HMGCLL1: variants seen among roughly 807,000 people sequenced by gnomAD.
HMGCLL1 encodes 3-hydroxy-3-methylglutaryl-CoA lyase like 1, also known as 3-hydroxymethyl-3-methylglutaryl-CoA lyase, cytoplasmic.
HMGCLL1 carries 36 observed loss-of-function variants against 39.1 expected under a neutral mutation model. The ratio of observed to expected loss-of-function variants is 0.92; its 90% CI spans 0.71 to 1.22. The LOEUF is 1.22. Among genes scored for constraint, HMGCLL1 ranks in the 50% most tolerant of loss-of-function variants. The probability of loss-of-function intolerance (pLI) is 0.00; values close to 1 mark genes in which losing one functional copy is unlikely to be tolerated. For synonymous variants in HMGCLL1, 149 were observed against 144.0 expected, an observed-to-expected ratio of 1.03 and a Z score of -0.25; for missense variants, 451 against 416.5, an observed-to-expected ratio of 1.08 and a Z score of -0.72.
At chr6:55,436,197 G>A (rs1763366720) in intron 8 of HMGCLL1, among the ~76,000 whole-genome samples, 1 of 151,800 alleles carries the variant, frequency 6.6e-6, no homozygotes. Flanking sequence ...ACTTGAAAAA[G>A]CCATAAGGAT....
At chr6:55,627,831 G>C in the HMGCLL1 span, among the ~76,000 whole-genome samples, 2 of 121,770 alleles carry the variant, frequency 1.6e-5, no homozygotes, top group Non-Finnish European at 3.3e-5. Context: ...ATTGCAGACA[G>C]CTTATTGTGG....
At chr6:55,607,666 G>C in the HMGCLL1 span, among the ~76,000 whole-genome samples, 4 of 152,156 alleles carry the variant, frequency 2.6e-5, no homozygotes, top group Non-Finnish European at 5.9e-5. Flanking sequence ...ACTGGGGTCA[G>C]CTGCAACTGT....
intron 3 of HMGCLL1, among the ~76,000 whole-genome samples, chr6:55,517,493 T>C (rs6925488): frequency 0.68 from 103,677 of 151,710 alleles, 35,466 homozygotes; most frequent in Admixed American, 0.72. Context: ...GCTGTGAAAA[T>C]ATGCCAAACC....
At chr6:55,502,718 T>G (rs1334835399) in intron 5 of HMGCLL1, among the ~76,000 whole-genome samples, 4 of 150,184 alleles carry the variant, frequency 2.7e-5, no homozygotes, top group Non-Finnish European at 6.0e-5. Flanking sequence ...ATCTGGTTTT[T>G]TTTTTTTTGC....
chr6:55,631,584 C>T, the HMGCLL1 span, among the ~76,000 whole-genome samples: 32 of 152,170 alleles, frequency 2.1e-4, no homozygotes, highest in African/African-American at 7.5e-4. Flanking sequence ...TTGCATTTTT[C>T]ATTAAGCCTC....
the HMGCLL1 span, among the ~76,000 whole-genome samples, chr6:55,590,028 T>G: frequency 6.6e-6 from 1 of 152,142 alleles, no homozygotes; most frequent in African/African-American, 2.4e-5. Flanking sequence ...CCAATGACTT[T>G]CTTCACAGAA....
chr6:55,611,790 T>C, the HMGCLL1 span, among the ~76,000 whole-genome samples: 1 of 152,166 alleles, frequency 6.6e-6, no homozygotes, highest in Non-Finnish European at 1.5e-5. Context: ...AAACTAGGTA[T>C]GATTGAACAT....
the HMGCLL1 span, among the ~76,000 whole-genome samples, chr6:55,629,719 C>A: frequency 6.6e-6 from 1 of 152,078 alleles, no homozygotes; most frequent in Non-Finnish European, 1.5e-5. Context: ...GCCCTGCATC[C>A]CAGCCACTCT....
At chr6:55,448,371 C>T (rs9396095) in intron 7 of HMGCLL1, among the ~76,000 whole-genome samples, 66,621 of 148,932 alleles carry the variant, frequency 0.45, 14,986 homozygotes, top group African/African-American at 0.49. Flanking sequence ...TACAAAAATA[C>T]ATAATATGAA....
intron 1 of HMGCLL1, chr6:55,577,076 A>T: frequency 2.5e-6 from 4 of 1,613,700 alleles, no homozygotes; most frequent in Non-Finnish European, 3.4e-6. Flanking sequence ...CTGGATATTT[A>T]CCCAGTGGAT....
the HMGCLL1 span, among the ~76,000 whole-genome samples, chr6:55,669,346 G>A: frequency 4.6e-5 from 7 of 151,760 alleles, no homozygotes. Flanking sequence ...CAAAAGCTGG[G>A]TTGATACATG....
the HMGCLL1 span, among the ~76,000 whole-genome samples, chr6:55,638,131 T>C: frequency 6.6e-6 from 1 of 151,978 alleles, no homozygotes; most frequent in Non-Finnish European, 1.5e-5. Context: ...AAATAAAAAG[T>C]TATAGCTGGG....
At chr6:55,563,082 G>C (rs989345292) in intron 1 of HMGCLL1, among the ~76,000 whole-genome samples, 1 of 151,904 alleles carries the variant, frequency 6.6e-6, no homozygotes, top group Non-Finnish European at 1.5e-5. Flanking sequence ...AATTTCAGTG[G>C]CTATGTGTAT....
chr6:55,622,080 A>T, the HMGCLL1 span, among the ~76,000 whole-genome samples: 1 of 151,966 alleles, frequency 6.6e-6, no homozygotes, highest in Non-Finnish European at 1.5e-5. Flanking sequence ...CAGATTGTTC[A>T]TTGTTAGCAT....
At chr6:55,473,468 A>G (rs779310409) in intron 7 of HMGCLL1, among the ~76,000 whole-genome samples, 34 of 151,350 alleles carry the variant, frequency 2.2e-4, no homozygotes, top group Admixed American at 4.0e-4. Flanking sequence ...CCACCTTCAA[A>G]TAATACTATA....
intron 7 of HMGCLL1, among the ~76,000 whole-genome samples, chr6:55,463,499 T>A (rs4458688): frequency 0.55 from 83,273 of 152,044 alleles, 23,996 homozygotes; most frequent in African/African-American, 0.74. Flanking sequence ...CTAAAGAGAA[T>A]ATTCCAGAAA....
At chr6:55,658,933 T>G in the HMGCLL1 span, among the ~76,000 whole-genome samples, 1 of 151,720 alleles carries the variant, frequency 6.6e-6, no homozygotes, top group Non-Finnish European at 1.5e-5. Context: ...CTCTAAGAAA[T>G]TTGTAAAGAT....
chr6:55,564,290 A>G (rs1771105870), intron 1 of HMGCLL1, among the ~76,000 whole-genome samples: 1 of 152,036 alleles, frequency 6.6e-6, no homozygotes, highest in Admixed American at 6.6e-5. Context: ...AAAACGATGG[A>G]AAATTATTGT....
intron 7 of HMGCLL1, among the ~76,000 whole-genome samples, chr6:55,464,430 T>A (rs1054887127): frequency 6.6e-6 from 1 of 152,194 alleles, no homozygotes; most frequent in Non-Finnish European, 1.5e-5. Flanking sequence ...GGCTTCTGTG[T>A]ACATACATGG....
Sources: gnomAD v4.1 joint callset for allele counts (sites outside exome capture counted in the v4.1 genomes callset) on GRCh38, gnomAD v4.1.1 for gene constraint, MANE v1.5 for transcripts, NCBI Gene and HGNC (gene_info 2026-07-23, HGNC 2026-07-21) for gene names.